L3MBTL4: variants seen among roughly 807,000 people sequenced by gnomAD.
The protein encoded by L3MBTL4 is L3MBTL histone methyl-lysine binding protein 4.
L3MBTL4 carries 70 observed loss-of-function variants against 84.5 expected under a neutral mutation model. The observed-to-expected ratio is 0.83, with a 90% CI of 0.68 to 1.01. The LOEUF is 1.01. L3MBTL4 is among the 50% of genes least tolerant of loss of function. L3MBTL4 has a pLI of 0.00. For synonymous variants in L3MBTL4, 274 were observed against 259.8 expected (o/e 1.05, Z -0.52); for missense variants, 715 against 754.8 (o/e 0.95, Z 0.62).
rs559991238 is a variant in L3MBTL4 at position 6,405,866 on chromosome 18, C to T, written c.-91+8935G>A. On this transcript the variant is annotated intron_variant, in intron 1 of 18. Transcript: ENST00000317931. ...AAGAAGCCTCAAATTTGAATCTATC[C>T]ATGGTTATGAGTTTCCTGGAACAGG... Among the ~76,000 whole-genome samples, 18 of 152,310 alleles carry T rather than the reference C, an allele frequency of 1.2e-4. No homozygotes were observed. The East Asian group carries it at 3.3e-3, about 28-fold the overall frequency.
intron 1 of L3MBTL4, among the ~76,000 whole-genome samples, chr18:6,410,319 C>G (rs2144746320): frequency 6.6e-6 from 1 of 152,376 alleles, no homozygotes; most frequent in South Asian, 2.1e-4. Context: ...GCATTACGCA[C>G]TCACGTGGGT....
intron 17 of L3MBTL4, among the ~76,000 whole-genome samples, chr18:5,963,497 A>T (rs2144703343): frequency 6.6e-6 from 1 of 152,174 alleles, no homozygotes; most frequent in Admixed American, 6.5e-5. Flanking sequence ...CCTCCACCTC[A>T]TCCTCCACCT....
chr18:6,147,514 C>G (rs2042707506), intron 13 of L3MBTL4, among the ~76,000 whole-genome samples: 1 of 151,970 alleles, frequency 6.6e-6, no homozygotes, highest in Non-Finnish European at 1.5e-5. Context: ...TAAAAGGTTC[C>G]TAAAAATGTC....
chr18:6,163,262 G>C (rs1256578452), intron 13 of L3MBTL4, among the ~76,000 whole-genome samples: 1 of 105,286 alleles, frequency 9.5e-6, no homozygotes, highest in Non-Finnish European at 2.1e-5. Context: ...GTGTGTGTGG[G>C]GGGGGGGTGG....
At chr18:6,312,567 T>C (rs1279848880) in intron 1 of L3MBTL4, among the ~76,000 whole-genome samples, 1 of 152,148 alleles carries the variant, frequency 6.6e-6, no homozygotes, top group Non-Finnish European at 1.5e-5. Context: ...AAGTGGAGGC[T>C]GAAATCCACC....
At chr18:6,156,061 C>A (rs990874142) in intron 13 of L3MBTL4, among the ~76,000 whole-genome samples, 1 of 152,104 alleles carries the variant, frequency 6.6e-6, no homozygotes, top group African/African-American at 2.4e-5. Context: ...CTGCCCTTGC[C>A]CACTTCTCAT....
At chr18:6,104,235 A>C (rs2058925487) in intron 14 of L3MBTL4, among the ~76,000 whole-genome samples, 3 of 152,226 alleles carry the variant, frequency 2.0e-5, no homozygotes, top group South Asian at 4.1e-4. Context: ...TATTTATCCA[A>C]AAGAACTGAA....
intron 4 of L3MBTL4, among the ~76,000 whole-genome samples, chr18:6,277,194 G>A (rs919772651): frequency 1.3e-5 from 2 of 150,774 alleles, no homozygotes; most frequent in South Asian, 2.1e-4. Flanking sequence ...GCTAGATGAC[G>A]AGTTAGTGGG....
At chr18:6,322,687 A>T (rs1206430568) in intron 1 of L3MBTL4, among the ~76,000 whole-genome samples, 13 of 152,180 alleles carry the variant, frequency 8.5e-5, no homozygotes, top group Non-Finnish European at 1.8e-4. Context: ...AAAAAGTGAG[A>T]TCCTGTCATT....
intron 12 of L3MBTL4, among the ~76,000 whole-genome samples, chr18:6,207,505 G>C (rs544105478): frequency 1.3e-5 from 2 of 152,260 alleles, no homozygotes; most frequent in East Asian, 3.9e-4. Context: ...CTCTAGTACT[G>C]TCACTGCTCT....
At position 6,171,403 on chromosome 18, in the gene L3MBTL4, A is replaced by G. The variant is rs565096335; in HGVS notation, c.1096+425T>C. ...AAAGTAGAGGATTTTAAATTTTTTT[A>G]TAAGTAAAATCTGAAAATTGTTGGA... On this transcript the variant is annotated intron_variant, in intron 13 of 18. Transcript: ENST00000317931. 1.5e-3 allele frequency among the ~76,000 whole-genome samples: 221 copies of G among 152,362 alleles called. 1 individual carries two copies. Among genetic ancestry groups the G allele is most frequent in the African/African-American group, 5.1e-3 (210 of 41,582 alleles).
At position 6,414,557 on chromosome 18, in the gene L3MBTL4, A is replaced by C. The variant is rs1038981888; in HGVS notation, c.-91+244T>G. On this transcript the variant is annotated intron_variant, in intron 1 of 18. Transcript: ENST00000317931. This position sits in a 1 kb window ranked among gnomAD's most constrained non-coding sequence, Gnocchi z 5.4. ...CCGCGCCCGTCCAAAGTAGGCGACAAGTGAGGCAGCGCCTCTCGCGGGGAG... is the reference window on the plus strand; with the variant it reads ...CCGCGCCCGTCCAAAGTAGGCGACACGTGAGGCAGCGCCTCTCGCGGGGAG... 2.6e-5 allele frequency among the ~76,000 whole-genome samples: 4 copies of C among 151,902 alleles called. No homozygotes were observed. Among genetic ancestry groups the C allele is most frequent in the Non-Finnish European group, 2.9e-5 (2 of 67,934 alleles).
At position 6,399,464 on chromosome 18, in the gene L3MBTL4, A is replaced by G. The variant is rs551193957; in HGVS notation, c.-91+15337T>C. 8.5e-5 allele frequency among the ~76,000 whole-genome samples: 13 copies of G among 152,146 alleles called. No homozygotes were observed. In the South Asian group the frequency reaches 2.7e-3, roughly 32 times the overall value. Reference sequence around the variant, plus strand: ...AAAAAGAAAAAAAGAAAAAAAAAGGAAACAGTGGCACCTAACTGTATAAGT... The same window carrying G: ...AAAAAGAAAAAAAGAAAAAAAAAGGGAACAGTGGCACCTAACTGTATAAGT... On this transcript the variant is annotated intron_variant, in intron 1 of 18. Coordinates refer to ENST00000317931, the MANE Select transcript of L3MBTL4 (RefSeq NM_001330559.2).
rs912548591 is a variant in L3MBTL4 at position 6,083,391 on chromosome 18, G to A, written c.1374-2440C>T. On this transcript the variant is annotated intron_variant, in intron 15 of 18. Coordinates refer to ENST00000317931, the MANE Select transcript of L3MBTL4 (RefSeq NM_001330559.2). ...TTGTTTGGCTGAAGCACCATGCAAC[G>A]AAAGGCAGCTTGACAGAACAAACTG... 3.9e-5 allele frequency among the ~76,000 whole-genome samples: 6 copies of A among 152,142 alleles called. No homozygotes were observed. The East Asian group carries it at 5.8e-4, about 15-fold the overall frequency.
rs576366332 is a variant in L3MBTL4 at position 6,168,629 on chromosome 18, G to C, written c.1096+3199C>G. 2.4e-3 allele frequency among the ~76,000 whole-genome samples: 358 copies of C among 152,242 alleles called. 1 individual carries two copies. The highest frequency in any genetic ancestry group is 7.4e-3 in the African/African-American group (306 of 41,542). ...TGGGAAAACTGGCTAGCCATATGTA[G>C]AAAGCTGAAACTGGATCCCTTCCTT... On this transcript the variant is annotated intron_variant, in intron 13 of 18. Coordinates refer to ENST00000317931, the MANE Select transcript of L3MBTL4 (RefSeq NM_001330559.2).
At chr18:6,112,906 C>T (rs1016413154) in intron 14 of L3MBTL4, among the ~76,000 whole-genome samples, 23 of 152,046 alleles carry the variant, frequency 1.5e-4, no homozygotes, top group Non-Finnish European at 2.6e-4. Context: ...CCTTTCAGTT[C>T]TTAGTACATT....
At chr18:6,138,334 C>T (rs759623607) in intron 13 of L3MBTL4, 38 bp from the exon 14 acceptor site, 1 of 1,264,986 alleles carries the variant, frequency 7.9e-7, no homozygotes, top group South Asian at 1.3e-5. Context: ...AAAACACCCT[C>T]ATTAAAGAAG....
intron 4 of L3MBTL4, among the ~76,000 whole-genome samples, chr18:6,266,126 T>C (rs1042836653): frequency 3.3e-5 from 5 of 152,214 alleles, no homozygotes; most frequent in Admixed American, 2.6e-4. Context: ...ATATATATTA[T>C]ACAAGTTATT....
chr18:5,970,980 C>T (rs2052613155), intron 16 of L3MBTL4, among the ~76,000 whole-genome samples: 1 of 152,200 alleles, frequency 6.6e-6, no homozygotes, highest in Non-Finnish European at 1.5e-5. Flanking sequence ...GATAAAGAGA[C>T]AGCAAAATTG....
Sources: gnomAD v4.1 joint callset for allele counts (sites outside exome capture counted in the v4.1 genomes callset) on GRCh38, gnomAD v4.1.1 for gene constraint, Gnocchi (gnomAD v3.1) non-coding constraint, MANE v1.5 for transcripts, NCBI Gene and HGNC (gene_info 2026-07-23, HGNC 2026-07-21) for gene names.